RPS6KL1: variants seen among roughly 807,000 people sequenced by gnomAD.
The protein encoded by RPS6KL1 is ribosomal protein S6 kinase-like 1.
A neutral mutation model predicts 57.0 loss-of-function variants in RPS6KL1; 41 were observed. The ratio of observed to expected loss-of-function variants is 0.72; its 90% CI spans 0.56 to 0.93. The LOEUF is 0.93. Ranked by LOEUF, RPS6KL1 falls within the 40% of genes least tolerant of loss-of-function variation. The pLI is 0.00. For missense variants in RPS6KL1, 697 were observed against 727.7 expected, an observed-to-expected ratio of 0.96 and a Z score of 0.49; for synonymous variants, 287 against 309.7, an observed-to-expected ratio of 0.93 and a Z score of 0.77.
rs1885003367 is a variant in RPS6KL1, at chr14:74,907,011, C to G, written c.*3G>C. ...AGCTGCTTCCGTCACCCGCTCTGCCCTCTTACCCCACCAGCTTGCTCCATT... is the reference window on the plus strand; with the variant it reads ...AGCTGCTTCCGTCACCCGCTCTGCCGTCTTACCCCACCAGCTTGCTCCATT... On this transcript the variant is annotated 3_prime_UTR_variant, in exon 12 of 12. Coordinates refer to ENST00000557413, the MANE Select transcript of RPS6KL1 (RefSeq NM_031464.5). 1.2e-6 allele frequency: 2 copies of G among 1,605,668 alleles called. No individual in the cohort carries two copies. The highest frequency in any genetic ancestry group is 1.7e-6 in the Non-Finnish European group (2 of 1,174,542).
Position 74,911,284 on chromosome 14 carries a change from C to A in RPS6KL1, c.628G>T (p.Glu210Ter). ...TCCAGGTGCAGGAAGATGGAGTCCTCGCTCACAAAGTACCTGAGCAGCTTC... is the reference window on the plus strand; with the variant it reads ...TCCAGGTGCAGGAAGATGGAGTCCTAGCTCACAAAGTACCTGAGCAGCTTC... ...MTKLLRYFVS[E>*]DSIFLHLEHV... The change falls in exon 7 of 12, where the codon GAG becomes TAG. Residue 210 changes from glutamate (E) to a stop codon, truncating the protein, a stop_gained. Transcript: ENST00000557413. LOFTEE classifies it high-confidence loss of function. 1 of 1,612,740 alleles carries A rather than the reference C, an allele frequency of 6.2e-7. No individual in the cohort carries two copies.
Position 74,909,691 on chromosome 14 carries a change from G to A in RPS6KL1, c.1122C>T (p.Gly374=). Residue 374 remains glycine (G), a synonymous_variant, in exon 8 of 12, where the codon GGC becomes GGT. Transcript: ENST00000557413. ...DQSCLSADGA[G]RGCGRATWSV... ...TCCAGGTGGCCCTGCCACAGCCCCG[G>A]CCGGCCCCATCTGCTGACAGGCAGC... 1 of 1,609,238 alleles carries A rather than the reference G, an allele frequency of 6.2e-7. No homozygotes were observed.
intron 5 of RPS6KL1, among the ~76,000 whole-genome samples, chr14:74,914,205 G>A (rs1172478910): frequency 2.6e-5 from 4 of 152,256 alleles, no homozygotes; most frequent in African/African-American, 9.6e-5. Flanking sequence ...GCCAGAGACC[G>A]AGTCCAGCCT....
chr14:74,922,224 A>T lies in RPS6KL1; in HGVS notation c.-267T>A. The T allele has an allele frequency of 1.0e-6, 1 of 986,962 alleles. No individual in the cohort carries two copies. Among genetic ancestry groups the T allele is most frequent in the Non-Finnish European group, 1.2e-6 (1 of 830,942 alleles). The allele number at this position is 986,962 out of a possible 1,614,324, so 61.1% of individuals were successfully genotyped here. ...CCTCCGTAGAGCAAGCTTGGTATCC[A>T]GTACGCATTCAGCACATGGAGGCCA... On this transcript the variant is annotated 5_prime_UTR_variant, in exon 2 of 12. Transcript: ENST00000557413.
Position 74,919,832 on chromosome 14 carries a change from G to GGA in RPS6KL1, c.390+12_390+13insTC. On this transcript the variant is annotated intron_variant, in intron 4 of 11. Transcript: ENST00000557413. ...CTCCCGCTCAGGCCTTTGGGTGGGG[G>GGA]GGGTCTCCTCACCGCGCTGGGGCTG... 3.7e-6 allele frequency: 6 copies of GGA among 1,611,192 alleles called. No individual in the cohort carries two copies. Among genetic ancestry groups the GGA allele is most frequent in the Non-Finnish European group, 3.4e-6 (4 of 1,179,620 alleles).
At position 74,919,665 on chromosome 14, in the gene RPS6KL1, G is replaced by C. The variant is rs571374468; in HGVS notation, c.390+180C>G. 3.9e-5 allele frequency among the ~76,000 whole-genome samples: 6 copies of C among 152,334 alleles called. No homozygotes were observed. In the South Asian group the frequency reaches 1.2e-3, roughly 32 times the overall value. ...TGAATGAACCATGAGGCGTGGGAGA[G>C]AGAGGAAGCCAGGAGGAAAAGAAGA... On this transcript the variant is annotated intron_variant, in intron 4 of 11. Coordinates refer to ENST00000557413, the MANE Select transcript of RPS6KL1 (RefSeq NM_031464.5).
intron 5 of RPS6KL1, among the ~76,000 whole-genome samples, chr14:74,913,030 C>T (rs1886285127): frequency 6.6e-6 from 1 of 152,230 alleles, no homozygotes; most frequent in African/African-American, 2.4e-5. Flanking sequence ...TGGCTGTTGG[C>T]CTGCCCTGCG....
At chr14:74,921,238 T>TACCCCCCCCCCCCCC in intron 3 of RPS6KL1, 39 bp downstream of exon 3, 2 of 840,176 alleles carry the variant, frequency 2.4e-6, no homozygotes, top group African/African-American at 1.7e-5. Context: ...CACTGGCCCT[T>TACCCCCCCCCCCCCC]CCCCACCCAC....
At position 74,921,281 on chromosome 14, in the gene RPS6KL1, T is replaced by A. The variant is rs1211760738; in HGVS notation, c.261A>T (p.Ile87=). Residue 87 remains isoleucine, a synonymous_variant, in exon 3 of 12, where the codon ATA becomes ATT. Coordinates refer to ENST00000557413, the MANE Select transcript of RPS6KL1 (RefSeq NM_031464.5). The part of the protein sequence containing the change: ...QNGVDVLLRG[I]HVDPNKERRE... ...CTGCCCAGCCCCGGTCCTCACCGTG[T>A]ATGCCACGGAGCAGCACGTCCACGC... 7.0e-7 allele frequency: 1 copy of A among 1,430,012 alleles called. No individual in the cohort carries two copies. Among genetic ancestry groups the A allele is most frequent in the East Asian group, 2.9e-5 (1 of 34,958 alleles). The allele number at this position is 1,430,012 out of a possible 1,614,324, so 88.6% of individuals were successfully genotyped here.
At chr14:74,918,369 C>T in intron 5 of RPS6KL1, 144 bp downstream of exon 5, 1 of 569,784 alleles carries the variant, frequency 1.8e-6, no homozygotes, top group East Asian at 3.2e-5. Context: ...ACTCGCACTC[C>T]CCACTGACCC....
At chr14:74,911,612 T>C (rs1886000486) in intron 6 of RPS6KL1, 182 bp downstream of exon 6, 1 of 665,372 alleles carries the variant, frequency 1.5e-6, no homozygotes, top group Non-Finnish European at 2.7e-6. Context: ...TGTATGTGTA[T>C]GTGTATGTGT....
chr14:74,911,948 A>C, intron 5 of RPS6KL1, 107 bp from the exon 6 acceptor site: 1 of 823,780 alleles, frequency 1.2e-6, no homozygotes, highest in Non-Finnish European at 2.0e-6. Flanking sequence ...GACTCACTCC[A>C]GTGGCAGGGC....
chr14:74,921,240 C>G, intron 3 of RPS6KL1, 37 bp downstream of exon 3: 3 of 771,002 alleles, frequency 3.9e-6, no homozygotes, highest in Non-Finnish European at 7.1e-6. Flanking sequence ...CTGGCCCTTC[C>G]CCACCCACCC....
chr14:74,910,037 AGGTTGAGGTGGG>A lies in RPS6KL1; in HGVS notation c.764_775del (p.Pro255_Asn258del). The A allele has an allele frequency of 6.2e-7, 1 of 1,613,196 alleles. No individual in the cohort carries two copies. Among genetic ancestry groups the A allele is most frequent in the Non-Finnish European group, 8.5e-7 (1 of 1,179,744 alleles). ...TGAGGGAAGCCTCGCTGGGGTCAGG[AGGTTGAGGTGGG>A]GGTTGAGCTGAGCCTTCATCCTCTC... On this transcript the variant is annotated inframe_deletion, in exon 8 of 12. Coordinates refer to ENST00000557413, the MANE Select transcript of RPS6KL1 (RefSeq NM_031464.5).
At position 74,921,536 on chromosome 14, in the gene RPS6KL1, G is replaced by T; in HGVS notation, c.6C>A (p.Ser2Arg). 2 of 1,613,550 alleles carry T rather than the reference G, an allele frequency of 1.2e-6. No homozygotes were observed. Among genetic ancestry groups the T allele is most frequent in the Non-Finnish European group, 1.7e-6 (2 of 1,179,826 alleles). ...TGGGCAGGCACTCACAGGCCACCAG[G>T]CTCATGGCTGCCCTGCAGCTGGGAC... Reference protein sequence around the residue: MSLVACECLPSP... With the variant: MRLVACECLPSP... Residue 2 changes from serine to arginine, a missense_variant, in exon 3 of 12, where the codon AGC (serine) becomes AGA (arginine). Ser to Arg is a moderately radical substitution (Grantham distance 110). Coordinates refer to ENST00000557413, the MANE Select transcript of RPS6KL1 (RefSeq NM_031464.5).
chr14:74,914,630 C>T (rs1477486710), intron 5 of RPS6KL1, among the ~76,000 whole-genome samples: 1 of 152,198 alleles, frequency 6.6e-6, no homozygotes. Context: ...CAGGCATTTT[C>T]CCATTCATCC....
chr14:74,910,103 T>A lies in RPS6KL1; in HGVS notation c.710A>T (p.His237Leu). 1 of 1,583,172 alleles carries A rather than the reference T, an allele frequency of 6.3e-7. No individual in the cohort carries two copies. The highest frequency in any genetic ancestry group is 8.6e-7 in the Non-Finnish European group (1 of 1,165,236). ...SHLLSQAHSR[H>L]SGLSSGSTQE... ...GGTAGAGCCAGAGCTGAGCCCAGAA[T>A]GTCGGGAGTGCGCCTGGGAGAGCAG... The change falls in exon 8 of 12, where the codon CAT becomes CTT. Residue 237 changes from histidine (H) to leucine (L), a missense_variant. His to Leu is a moderately conservative substitution (Grantham distance 99). Transcript: ENST00000557413.
chr14:74,921,316 A>G lies in RPS6KL1; in HGVS notation c.226T>C (p.Tyr76His). ...SEDYEAAFNH[Y>H]QNGVDVLLRG... ...AGCAGCACGTCCACGCCATTCTGAT[A>G]GTGGTTGAAGGCCGCCTCATAGTCC... The change falls in exon 3 of 12, where the codon TAT becomes CAT. Residue 76 changes from tyrosine to histidine, a missense_variant. Transcript: ENST00000557413. 1.2e-6 allele frequency: 2 copies of G among 1,613,810 alleles called. No individual in the cohort carries two copies. Among genetic ancestry groups the G allele is most frequent in the Non-Finnish European group, 1.7e-6 (2 of 1,179,888 alleles).
At chr14:74,911,953 C>T in intron 5 of RPS6KL1, 112 bp from the exon 6 acceptor site, 1 of 848,182 alleles carries the variant, frequency 1.2e-6, no homozygotes, top group South Asian at 1.5e-5. Context: ...ACTCCAGTGG[C>T]AGGGCAGGGA....
Sources: gnomAD v4.1 joint callset for allele counts (sites outside exome capture counted in the v4.1 genomes callset) on GRCh38, gnomAD v4.1.1 for gene constraint, MANE v1.5 for transcripts, NCBI Gene and HGNC (gene_info 2026-07-23, HGNC 2026-07-21) for gene names.